The following HIVEP1 variants were observed in gnomAD, a reference collection of about 807,000 sequenced individuals.
The protein encoded by HIVEP1 is HIVEP zinc finger 1, also known as zinc finger protein 40.
HIVEP1 carries 36 observed loss-of-function variants against 180.0 expected under a neutral mutation model. The ratio of observed to expected loss-of-function variants is 0.20; its 90% CI spans 0.15 to 0.26. The LOEUF (loss-of-function observed/expected upper bound fraction) is 0.26, where lower values mean the gene tolerates loss of function less well. Ranked by LOEUF, HIVEP1 falls within the 10% of genes least tolerant of loss-of-function variation. The probability of loss-of-function intolerance (pLI) is 1.00; values close to 1 mark genes in which losing one functional copy is unlikely to be tolerated. For missense variants in HIVEP1, 3,143 were observed against 3,268.7 expected (o/e 0.96, Z 0.94); for synonymous variants, 1,239 against 1,239.0 (o/e 1.00, Z 0.00).
chr6:12,101,588 C>A (rs986759234), intron 3 of HIVEP1, among the ~76,000 whole-genome samples: 10 of 151,314 alleles, frequency 6.6e-5, no homozygotes, highest in African/African-American at 1.9e-4. Flanking sequence ...AGGAAATAAT[C>A]AAAAATCTCT....
intron 2 of HIVEP1, among the ~76,000 whole-genome samples, chr6:12,056,227 G>A (rs1219698302): frequency 6.6e-6 from 1 of 152,164 alleles, no homozygotes; most frequent in Non-Finnish European, 1.5e-5. Context: ...TAAATTACTA[G>A]TGTGTTACTG....
At chr6:12,165,691 A>G (rs933502156), downstream of HIVEP1, among the ~76,000 whole-genome samples, 1 of 152,262 alleles carries the variant, frequency 6.6e-6, no homozygotes, top group Non-Finnish European at 1.5e-5. Context: ...GTTGGAATTT[A>G]AATACTTAGC....
chr6:12,205,365 G>A, the HIVEP1 span, among the ~76,000 whole-genome samples: 3 of 152,056 alleles, frequency 2.0e-5, no homozygotes, highest in Admixed American at 6.5e-5. Context: ...CAGCTACTTG[G>A]GAGGCTGAAG....
intron 3 of HIVEP1, among the ~76,000 whole-genome samples, chr6:12,104,296 T>G (rs1774277784): frequency 6.6e-6 from 1 of 152,078 alleles, no homozygotes; most frequent in South Asian, 2.1e-4. Flanking sequence ...TTTGTTTTGT[T>G]ACTTTCTGGA....
Position 12,124,589 on chromosome 6 carries a change from A to C in HIVEP1, c.4794A>C (p.Ser1598=). ...DPVGTDHCVT[S]ATLPTKLIDS... ...TTGGAACAGATCATTGTGTGACATCAGCAACATTACCAACCAAATTAATTG... is the reference window on the plus strand; with the variant it reads ...TTGGAACAGATCATTGTGTGACATCCGCAACATTACCAACCAAATTAATTG... Residue 1598 remains serine, a synonymous_variant, in exon 4 of 9, where the codon TCA becomes TCC. Coordinates refer to ENST00000379388, the MANE Select transcript of HIVEP1 (RefSeq NM_002114.4). 6.2e-7 allele frequency: 1 copy of C among 1,614,162 alleles called. No individual in the cohort carries two copies. The highest frequency in any genetic ancestry group is 1.3e-5 in the African/African-American group (1 of 75,046).
chr6:12,089,261 T>A, intron 3 of HIVEP1, 24 bp downstream of exon 3: 1 of 1,409,312 alleles, frequency 7.1e-7, no homozygotes, highest in Non-Finnish European at 1.0e-6. Context: ...AGCTTGAATG[T>A]AAACTTTATT....
intron 7 of HIVEP1, among the ~76,000 whole-genome samples, chr6:12,148,819 G>T (rs1197805775): frequency 6.6e-6 from 1 of 152,146 alleles, no homozygotes; most frequent in Non-Finnish European, 1.5e-5. Flanking sequence ...AGTTATCGAA[G>T]GATGTCTGGT....
chr6:12,118,624 T>C (rs1353302241), intron 3 of HIVEP1, among the ~76,000 whole-genome samples: 1 of 152,242 alleles, frequency 6.6e-6, no homozygotes, highest in Non-Finnish European at 1.5e-5. Context: ...CTACCTGCCC[T>C]ACCTATTGCT....
At chr6:12,030,000 T>C (rs1227644338) in intron 2 of HIVEP1, among the ~76,000 whole-genome samples, 1 of 152,196 alleles carries the variant, frequency 6.6e-6, no homozygotes, top group Non-Finnish European at 1.5e-5. Flanking sequence ...GCAACGTTGC[T>C]TTTTTAATAT....
At chr6:12,108,524 G>C (rs1312829460) in intron 3 of HIVEP1, among the ~76,000 whole-genome samples, 1 of 152,260 alleles carries the variant, frequency 6.6e-6, no homozygotes, top group Non-Finnish European at 1.5e-5. Flanking sequence ...CAGGTCCCGA[G>C]CCCTGCCCCG....
intron 3 of HIVEP1, among the ~76,000 whole-genome samples, chr6:12,114,923 C>T (rs1775125378): frequency 6.6e-6 from 1 of 152,164 alleles, no homozygotes; most frequent in African/African-American, 2.4e-5. Context: ...AGCATGATCT[C>T]AATTGTTAGA....
intron 2 of HIVEP1, chr6:12,020,143 T>A (rs1768090108): frequency 3.0e-6 from 1 of 337,998 alleles, no homozygotes; most frequent in Admixed American, 3.7e-5. Flanking sequence ...ATGGGTGATC[T>A]GTATACTGTG....
chr6:12,145,668 C>T (rs950659299), intron 7 of HIVEP1, among the ~76,000 whole-genome samples: 3 of 152,056 alleles, frequency 2.0e-5, no homozygotes, highest in South Asian at 4.1e-4. Context: ...AAAGGCACCT[C>T]ACCCTCTTAC....
chr6:12,039,347 C>G (rs757259665), intron 2 of HIVEP1: 1 of 152,130 alleles, frequency 6.6e-6, no homozygotes, highest in East Asian at 1.9e-4. Flanking sequence ...GCTGTTTATC[C>G]AACGTCATGA....
intron 7 of HIVEP1, among the ~76,000 whole-genome samples, chr6:12,151,282 G>T (rs1309447031): frequency 6.6e-6 from 1 of 152,124 alleles, no homozygotes; most frequent in Non-Finnish European, 1.5e-5. Context: ...GAATGTGGCT[G>T]GGAGGACATA....
In HIVEP1 at chr6:12,120,656, T is replaced by C; in HGVS notation, c.861T>C (p.His287=). 2.5e-6 allele frequency: 4 copies of C among 1,614,232 alleles called. No individual in the cohort carries two copies. Among genetic ancestry groups the C allele is most frequent in the South Asian group, 1.1e-5 (1 of 91,086 alleles). The stretch of plus-strand genomic sequence containing the variant: ...CAGCTTCTCATTTGTATCATCAACA[T>C]GAACACTTTGTTCCCAAATCCAACC... ...MQSASHLYHQ[H]EHFVPKSNQH... Residue 287 remains histidine (H), a synonymous_variant, in exon 4 of 9, where the codon CAT becomes CAC. Transcript: ENST00000379388.
chr6:12,152,063 G>A (rs1157574459), intron 7 of HIVEP1, among the ~76,000 whole-genome samples: 1 of 152,110 alleles, frequency 6.6e-6, no homozygotes, highest in Non-Finnish European at 1.5e-5. Context: ...GGCTGAAGCA[G>A]GAGAATCGCT....
At chr6:12,022,560 T>TGTG (rs1768309935) in intron 2 of HIVEP1, among the ~76,000 whole-genome samples, 1 of 152,194 alleles carries the variant, frequency 6.6e-6, no homozygotes, top group South Asian at 2.1e-4. Flanking sequence ...TGACTTGCTA[T>TGTG]GTGGTTGGTT....
intron 2 of HIVEP1, among the ~76,000 whole-genome samples, chr6:12,085,196 C>T (rs976385532): frequency 6.6e-6 from 1 of 152,040 alleles, no homozygotes; most frequent in African/African-American, 2.4e-5. Context: ...GGGTTCTGTG[C>T]ACAACGTTTA....
Sources: gnomAD v4.1 joint callset for allele counts (sites outside exome capture counted in the v4.1 genomes callset) on GRCh38, gnomAD v4.1.1 for gene constraint, MANE v1.5 for transcripts, NCBI Gene and HGNC (gene_info 2026-07-23, HGNC 2026-07-21) for gene names.